Variants in MYO3B observed in about 807,000 individuals in gnomAD.
The protein encoded by MYO3B is myosin IIIB, also known as myosin-IIIb.
A neutral mutation model predicts 174.6 loss-of-function variants in MYO3B; 156 were observed. That is an observed-to-expected ratio of 0.89 (90% CI 0.78 to 1.02). MYO3B has a LOEUF of 1.02. Among genes scored for constraint, MYO3B ranks in the 50% least tolerant of loss-of-function variants. The probability of loss-of-function intolerance (pLI) is 0.00; values close to 1 mark genes in which losing one functional copy is unlikely to be tolerated. For synonymous variants in MYO3B, 563 were observed against 569.1 expected (o/e 0.99, Z 0.15); for missense variants, 1,632 against 1,639.4 (o/e 1.00, Z 0.08).
intron 22 of MYO3B, among the ~76,000 whole-genome samples, chr2:170,411,347 A>G (rs1425122814): frequency 6.6e-6 from 1 of 152,238 alleles, no homozygotes; most frequent in African/African-American, 2.4e-5. Context: ...CCTAAATGAT[A>G]TAATCTACTA....
chr2:170,213,599 GTATAAAACAA>G (rs1183894665), intron 3 of MYO3B, among the ~76,000 whole-genome samples: 6 of 152,118 alleles, frequency 3.9e-5, no homozygotes, highest in African/African-American at 7.2e-5. Context: ...TCTTTTCTGA[GTATAAAACAA>G]TATAAAACAA....
At chr2:170,254,270 C>T (rs2093283309) in intron 7 of MYO3B, among the ~76,000 whole-genome samples, 1 of 152,156 alleles carries the variant, frequency 6.6e-6, no homozygotes, top group Admixed American at 6.5e-5. Flanking sequence ...AGAGGTAAAG[C>T]TAGAACCTGC....
At chr2:170,279,278 G>A (rs905774921) in intron 7 of MYO3B, among the ~76,000 whole-genome samples, 18 of 151,970 alleles carry the variant, frequency 1.2e-4, no homozygotes, top group African/African-American at 3.1e-4. Context: ...TTTTATCTGC[G>A]TCCTTGCCAG....
At chr2:170,329,253 G>GTA in intron 7 of MYO3B, among the ~76,000 whole-genome samples, 1 of 148,870 alleles carries the variant, frequency 6.7e-6, no homozygotes, top group Non-Finnish European at 1.5e-5. Context: ...GTGTGTGTGT[G>GTA]TGTGTGTATA....
rs1693706526 is a variant in MYO3B, at chr2:170,589,723, A to C, written c.3733+45735A>C. ...AAGGTTAAAAAGTTACAGTAAGCTAAGGTTAATTTATTATTGAAGAAAGAA... is the reference window on the plus strand; with the variant it reads ...AAGGTTAAAAAGTTACAGTAAGCTACGGTTAATTTATTATTGAAGAAAGAA... On this transcript the variant is annotated intron_variant, in intron 32 of 34. Coordinates refer to ENST00000408978, the MANE Select transcript of MYO3B (RefSeq NM_138995.5). Among the ~76,000 whole-genome samples the C allele has an allele frequency of 3.9e-5, 6 of 152,360 alleles. No homozygotes were observed. In the South Asian group the frequency reaches 1.2e-3, roughly 32 times the overall value.
chr2:170,479,943 A>G (rs965086966), intron 25 of MYO3B, among the ~76,000 whole-genome samples: 2 of 148,776 alleles, frequency 1.3e-5, no homozygotes, highest in Non-Finnish European at 3.0e-5. Flanking sequence ...TATTAAACCT[A>G]TAAAACCATA....
chr2:170,444,559 A>G (rs962109957), intron 23 of MYO3B, among the ~76,000 whole-genome samples: 3 of 152,236 alleles, frequency 2.0e-5, no homozygotes, highest in Non-Finnish European at 4.4e-5. Flanking sequence ...AGAGAAACAC[A>G]GTTATCTTGA....
At chr2:170,236,203 A>T (rs2093068493) in intron 7 of MYO3B, 67 bp downstream of exon 7, 2 of 1,592,932 alleles carry the variant, frequency 1.3e-6, no homozygotes, top group Admixed American at 1.7e-5. Flanking sequence ...GAGGGATAAT[A>T]AATAGTTTGC....
chr2:170,514,378 A>G (rs953993158), intron 28 of MYO3B, among the ~76,000 whole-genome samples: 1 of 152,226 alleles, frequency 6.6e-6, no homozygotes, highest in Non-Finnish European at 1.5e-5. Flanking sequence ...TATGTAGTCC[A>G]TCTTCTCCCT....
rs1420123590 is a variant in MYO3B at position 170,387,315 on chromosome 2, G to A, written c.1577+7G>A. 1 of 1,613,576 alleles carries A rather than the reference G, an allele frequency of 6.2e-7. No individual in the cohort carries two copies. On this transcript the variant is annotated splice_region_variant and intron_variant, in intron 14 of 34. Transcript: ENST00000408978. ...GAGTTATAAAACAGGCAGCGTAGGT[G>A]CACTACTTTATCACTGTGTTTTTGC... is the stretch of plus-strand genomic sequence containing the variant.
At chr2:170,629,207 G>A (rs1177828951) in intron 32 of MYO3B, among the ~76,000 whole-genome samples, 2 of 152,234 alleles carry the variant, frequency 1.3e-5, no homozygotes, top group African/African-American at 4.8e-5. Flanking sequence ...AAATGATCCA[G>A]ATTCAATCCC....
At chr2:170,547,290 A>G (rs1690575245) in intron 32 of MYO3B, among the ~76,000 whole-genome samples, 1 of 151,624 alleles carries the variant, frequency 6.6e-6, no homozygotes, top group Admixed American at 6.6e-5. Context: ...AGATCGCGCC[A>G]CTGTACTCCA....
At chr2:170,607,559 G>T (rs578257020) in intron 32 of MYO3B, among the ~76,000 whole-genome samples, 1 of 152,252 alleles carries the variant, frequency 6.6e-6, no homozygotes, top group African/African-American at 2.4e-5. Flanking sequence ...GAATTCAGCA[G>T]TGTAGAGAAG....
chr2:170,597,139 G>A (rs1575221089), intron 32 of MYO3B, among the ~76,000 whole-genome samples: 2 of 152,088 alleles, frequency 1.3e-5, no homozygotes, highest in East Asian at 1.9e-4. Flanking sequence ...GAGCCACCAT[G>A]GAACAAACCC....
rs757092959 is a variant in MYO3B, at chr2:170,386,240, C to G, written c.1342C>G (p.Leu448Val). ...CTCTGGGAAGACAGAAAGCGCCCAC[C>G]TGATTGTTCAGCATTTGACTTTCTT... ...SGSGKTESAH[L>V]IVQHLTFLGK... Residue 448 changes from leucine (L) to valine (V), a missense_variant, in exon 13 of 35, where the codon CTG becomes GTG. Coordinates refer to ENST00000408978, the MANE Select transcript of MYO3B (RefSeq NM_138995.5). 6.2e-7 allele frequency: 1 copy of G among 1,613,622 alleles called. No individual in the cohort carries two copies. Among genetic ancestry groups the G allele is most frequent in the African/African-American group, 1.3e-5 (1 of 75,020 alleles).
chr2:170,343,070 CA>C (rs1364553459), intron 8 of MYO3B, among the ~76,000 whole-genome samples: 20 of 151,016 alleles, frequency 1.3e-4, no homozygotes, highest in Admixed American at 3.3e-4. Context: ...CACACACACA[CA>C]CACACACCCC....
chr2:170,400,408 T>G (rs1311530749), intron 17 of MYO3B, 94 bp downstream of exon 17: 2 of 1,405,954 alleles, frequency 1.4e-6, no homozygotes, highest in Non-Finnish European at 1.9e-6. Context: ...GGTCCTTTTT[T>G]TTTTTTTTTT....
chr2:170,318,533 G>A (rs1379132651), intron 7 of MYO3B, among the ~76,000 whole-genome samples: 2 of 152,180 alleles, frequency 1.3e-5, no homozygotes, highest in Admixed American at 1.3e-4. Flanking sequence ...GGATGCTGAT[G>A]TGGTTATTGG....
chr2:170,373,216 T>C (rs564020247), intron 9 of MYO3B, among the ~76,000 whole-genome samples: 1 of 152,314 alleles, frequency 6.6e-6, no homozygotes, highest in South Asian at 2.1e-4. Flanking sequence ...AACAGAGAAG[T>C]GTGTTGGGGC....
Sources: gnomAD v4.1 joint callset for allele counts (sites outside exome capture counted in the v4.1 genomes callset) on GRCh38, gnomAD v4.1.1 for gene constraint, MANE v1.5 for transcripts, NCBI Gene and HGNC (gene_info 2026-07-23, HGNC 2026-07-21) for gene names.